ANKS1A: variants seen among roughly 807,000 people sequenced by gnomAD.
The protein encoded by ANKS1A is ankyrin repeat and SAM domain-containing protein 1A.
A neutral mutation model predicts 120.3 loss-of-function variants in ANKS1A; 55 were observed. That is an observed-to-expected ratio of 0.46 (90% CI 0.37 to 0.57). The LOEUF is 0.57. Ranked by LOEUF, ANKS1A falls within the 20% of genes least tolerant of loss-of-function variation. The pLI is 0.00. For synonymous variants in ANKS1A, 590 were observed against 604.7 expected (o/e 0.98, Z 0.36); for missense variants, 1,123 against 1,480.3 (o/e 0.76, Z 3.96).
chr6:34,962,049 AAAT>A (rs1770665670), intron 1 of ANKS1A, among the ~76,000 whole-genome samples: 1 of 152,198 alleles, frequency 6.6e-6, no homozygotes, highest in African/African-American at 2.4e-5. Context: ...GGCAATTTGA[AAAT>A]AAGTGTGACA....
At chr6:34,908,796 C>A (rs1767764240) in intron 1 of ANKS1A, among the ~76,000 whole-genome samples, 2 of 152,068 alleles carry the variant, frequency 1.3e-5, no homozygotes, top group Non-Finnish European at 1.5e-5. Flanking sequence ...GACAGAGTCA[C>A]CGTTTTAAGT....
chr6:35,000,661 T>TA (rs552496085), intron 10 of ANKS1A, among the ~76,000 whole-genome samples: 1 of 152,078 alleles, frequency 6.6e-6, no homozygotes, highest in Admixed American at 6.5e-5. Flanking sequence ...AAAAATGTTA[T>TA]AAAAAAATTT....
At chr6:34,906,890 G>A (rs992437171) in intron 1 of ANKS1A, among the ~76,000 whole-genome samples, 36 of 152,288 alleles carry the variant, frequency 2.4e-4, no homozygotes, top group Admixed American at 6.5e-4. Context: ...AATAGAATAT[G>A]GAGAGAGAAC....
chr6:34,935,986 C>T (rs1416562364), intron 1 of ANKS1A, among the ~76,000 whole-genome samples: 6 of 139,274 alleles, frequency 4.3e-5, no homozygotes, highest in Admixed American at 3.9e-4. Context: ...GGCGTGAACC[C>T]GGGAGGCGGA....
chr6:35,054,222 G>A, intron 12 of ANKS1A, 57 bp downstream of exon 12: 2 of 1,540,690 alleles, frequency 1.3e-6, no homozygotes, highest in Non-Finnish European at 1.8e-6. Context: ...CTCTTTTCTG[G>A]CTCAGGCTTT....
chr6:34,978,984 C>T (rs1375776485), intron 3 of ANKS1A, among the ~76,000 whole-genome samples: 1 of 151,624 alleles, frequency 6.6e-6, no homozygotes, highest in Admixed American at 6.6e-5. Context: ...CAACCTCCGC[C>T]TCCTGGGTTC....
intron 20 of ANKS1A, 114 bp downstream of exon 20, chr6:35,083,617 G>C: frequency 1.0e-6 from 1 of 983,190 alleles, no homozygotes; most frequent in Non-Finnish European, 1.6e-6. Context: ...CTCCCTAGAG[G>C]GTCCCCAGTC....
rs901406713 is a variant in ANKS1A, at chr6:35,085,768, C to T, written c.3135C>T (p.Asn1045=). 6.3e-7 allele frequency: 1 copy of T among 1,587,222 alleles called. No homozygotes were observed. Among genetic ancestry groups the T allele is most frequent in the Non-Finnish European group, 8.6e-7 (1 of 1,166,650 alleles). The change falls in exon 22 of 24, where the codon AAC becomes AAT. Residue 1045 remains asparagine (N), a splice_region_variant and synonymous_variant. Coordinates refer to ENST00000360359, the MANE Select transcript of ANKS1A (RefSeq NM_015245.3). This position sits in a 1 kb window ranked among gnomAD's most constrained non-coding sequence, Gnocchi z 4.7. ...AGTGGTGATCTGCTTCCTCCCAGAA[C>T]CTGACCTACGAGATCATCCTGACGC... The part of the protein sequence containing the change: ...YCHVFSTVDV[N]LTYEIILTLG...
At chr6:35,037,410 A>G (rs1273695609) in intron 11 of ANKS1A, among the ~76,000 whole-genome samples, 1 of 152,194 alleles carries the variant, frequency 6.6e-6, no homozygotes, top group Non-Finnish European at 1.5e-5. Flanking sequence ...TAAAATCTCA[A>G]AAGCAGGATT....
intron 10 of ANKS1A, among the ~76,000 whole-genome samples, chr6:35,000,880 G>T (rs552803594): frequency 2.1e-3 from 319 of 151,948 alleles, no homozygotes; most frequent in Non-Finnish European, 4.1e-3. Context: ...AATGTTAATT[G>T]TAAAAAAAAA....
rs1771920205 is a variant in ANKS1A at position 34,981,816 on chromosome 6, C to T, written c.562C>T (p.Leu188=). 1 of 1,614,156 alleles carries T rather than the reference C, an allele frequency of 6.2e-7. No individual in the cohort carries two copies. The highest frequency in any genetic ancestry group is 1.1e-5 in the South Asian group (1 of 91,072). Residue 188 remains leucine (L), a synonymous_variant, in exon 4 of 24, where the codon CTG becomes TTG. Coordinates refer to ENST00000360359, the MANE Select transcript of ANKS1A (RefSeq NM_015245.3). The part of the protein sequence containing the change: ...RNNKFETPLD[L]AALYGRLEVV... ...CAACAAATTCGAGACCCCTTTGGAC[C>T]TGGCAGCACTGTACGGGCGACTGGA...
intron 1 of ANKS1A, among the ~76,000 whole-genome samples, chr6:34,920,106 T>C (rs534984314): frequency 7.6e-4 from 116 of 152,262 alleles, no homozygotes; most frequent in African/African-American, 2.6e-3. Context: ...CCTAATTAAA[T>C]TGCTATTGAT....
chr6:34,910,820 C>T (rs1477181693), intron 1 of ANKS1A, among the ~76,000 whole-genome samples: 2 of 146,014 alleles, frequency 1.4e-5, no homozygotes, highest in East Asian at 4.1e-4. Context: ...GAGATTGCAC[C>T]ACTGCACTCC....
At chr6:34,891,948 G>GCGCTCA (rs1234286046) in intron 1 of ANKS1A, among the ~76,000 whole-genome samples, 1 of 152,146 alleles carries the variant, frequency 6.6e-6, no homozygotes, top group Non-Finnish European at 1.5e-5. Context: ...TATTCTTAGT[G>GCGCTCA]CGCTCACTCG....
intron 1 of ANKS1A, among the ~76,000 whole-genome samples, chr6:34,898,343 T>C (rs923631118): frequency 6.6e-6 from 1 of 152,162 alleles, no homozygotes; most frequent in Non-Finnish European, 1.5e-5. Context: ...GTTTGAAACC[T>C]TGGGGCCAGA....
chr6:34,902,246 GTTTC>G (rs1767384649), intron 1 of ANKS1A, among the ~76,000 whole-genome samples: 1 of 151,610 alleles, frequency 6.6e-6, no homozygotes, highest in Non-Finnish European at 1.5e-5. Context: ...TTTCTTTTTT[GTTTC>G]TTTTTTTTTT....
intron 23 of ANKS1A, among the ~76,000 whole-genome samples, chr6:35,087,303 T>C (rs1162350756): frequency 6.6e-6 from 1 of 152,088 alleles, no homozygotes; most frequent in Non-Finnish European, 1.5e-5. Context: ...AGGGGGTGAG[T>C]TGCCTTTGAG....
intron 1 of ANKS1A, among the ~76,000 whole-genome samples, chr6:34,956,699 G>C (rs977193538): frequency 2.6e-5 from 4 of 152,092 alleles, no homozygotes; most frequent in Admixed American, 1.3e-4. Flanking sequence ...AGTGGATTAG[G>C]GGGTGCTGGG....
Position 34,983,206 on chromosome 6 carries a change from T to C in ANKS1A, c.902T>C (p.Leu301Ser). 6.2e-7 allele frequency: 1 copy of C among 1,614,086 alleles called. No individual in the cohort carries two copies. The highest frequency in any genetic ancestry group is 8.5e-7 in the Non-Finnish European group (1 of 1,179,952). ...CAAAAGAGCCAGCAAATAGCAGCAT[T>C]AATTGAAGGTATCATCCTTTCTCCC... ...PSQKSQQIAA[L>S]IEDHMTGKRS... The change falls in exon 6 of 24, where the codon TTA becomes TCA. Residue 301 changes from leucine (L) to serine (S), a missense_variant. Around this residue, in one of 3 missense-constraint regions of ANKS1A, gnomAD observed 904 missense variants for 1,130.4 expected, o/e 0.80. Transcript: ENST00000360359.
Sources: gnomAD v4.1 joint callset for allele counts (sites outside exome capture counted in the v4.1 genomes callset) on GRCh38, gnomAD v4.1.1 for gene constraint, gnomAD v4.1.1 regional missense constraint, Gnocchi (gnomAD v3.1) non-coding constraint, MANE v1.5 for transcripts, NCBI Gene and HGNC (gene_info 2026-07-23, HGNC 2026-07-21) for gene names.